The following CDIN1 variants were observed in gnomAD, a reference collection of about 807,000 sequenced individuals.
CDIN1 encodes CDAN1 interacting nuclease 1, also known as CDAN1-interacting nuclease 1.
Under a neutral mutation model 45.3 loss-of-function variants are expected in CDIN1, and 33 were observed. The ratio of observed to expected loss-of-function variants is 0.73; its 90% confidence interval spans 0.55 to 0.97. The LOEUF (loss-of-function observed/expected upper bound fraction) is 0.97. CDIN1 is among the 50% of genes least tolerant of loss of function. CDIN1 has a pLI of 0.00. For missense variants in CDIN1, 303 were observed against 339.4 expected (o/e 0.89, Z 0.84); for synonymous variants, 118 against 124.4 (o/e 0.95, Z 0.34).
At chr15:36,671,403 T>A (rs989300748) in intron 5 of CDIN1, among the ~76,000 whole-genome samples, 22 of 152,004 alleles carry the variant, frequency 1.4e-4, no homozygotes, top group African/African-American at 5.3e-4. Flanking sequence ...GACAAGTGGA[T>A]GAAAAAAGGG....
intron 5 of CDIN1, among the ~76,000 whole-genome samples, chr15:36,681,064 A>G (rs1038988370): frequency 7.2e-5 from 11 of 152,158 alleles, no homozygotes; most frequent in Admixed American, 3.9e-4. Context: ...AAAATAGAAT[A>G]CCATGAACTA....
chr15:36,689,224 C>T (rs2140688772), intron 5 of CDIN1, among the ~76,000 whole-genome samples: 1 of 152,108 alleles, frequency 6.6e-6, no homozygotes, highest in South Asian at 2.1e-4. Context: ...TTTATTTTTT[C>T]TTTTGATATT....
At chr15:36,596,975 A>G (rs570137529) in intron 1 of CDIN1, among the ~76,000 whole-genome samples, 1 of 152,298 alleles carries the variant, frequency 6.6e-6, no homozygotes, top group East Asian at 1.9e-4. Context: ...ACACGTGGCA[A>G]TATTAAATAA....
intron 10 of CDIN1, among the ~76,000 whole-genome samples, chr15:36,796,491 A>C (rs2054802918): frequency 6.6e-6 from 1 of 152,208 alleles, no homozygotes; most frequent in South Asian, 2.1e-4. Flanking sequence ...CAAAACCTCA[A>C]GAATGACAGG....
Position 36,657,944 on chromosome 15 carries a change from C to T in CDIN1, c.346+39C>T, listed in dbSNP as rs868279090. 1.7e-5 allele frequency: 25 copies of T among 1,503,014 alleles called. No homozygotes were observed. The Middle Eastern group carries it at 3.2e-3, about 195-fold the overall frequency. 93.1% of individuals were successfully genotyped at this position (1,503,014 alleles called of 1,614,324 possible). On this transcript the variant is annotated intron_variant, in intron 5 of 10. Coordinates refer to ENST00000566621, the MANE Select transcript of CDIN1 (RefSeq NM_001321759.2). ...TTTTCCTAATGGTACTCTTTTACTC[C>T]CTTCCCCAATTTAAAAATAATTTAC...
intron 1 of CDIN1, among the ~76,000 whole-genome samples, chr15:36,625,326 G>A (rs970816002): frequency 6.6e-6 from 1 of 152,054 alleles, no homozygotes; most frequent in Non-Finnish European, 1.5e-5. Context: ...CTGTGAAAAG[G>A]TTGGAAAGTA....
chr15:36,615,572 G>T (rs995004653), intron 1 of CDIN1, among the ~76,000 whole-genome samples: 3 of 152,054 alleles, frequency 2.0e-5, no homozygotes, highest in Admixed American at 6.6e-5. Context: ...ATGAAGTGTG[G>T]TCCAAAAAAT....
chr15:36,651,917 A>C (rs373356842), intron 3 of CDIN1, among the ~76,000 whole-genome samples: 1 of 152,330 alleles, frequency 6.6e-6, no homozygotes, highest in South Asian at 2.1e-4. Context: ...ACTTGATAGA[A>C]GTTCTTCACT....
At chr15:36,696,931 G>A (rs2042448577) in intron 7 of CDIN1, among the ~76,000 whole-genome samples, 1 of 138,268 alleles carries the variant, frequency 7.2e-6, no homozygotes, top group African/African-American at 2.7e-5. Context: ...GAGCAACATA[G>A]TGCGATTCCA....
intron 1 of CDIN1, among the ~76,000 whole-genome samples, chr15:36,609,800 C>A (rs762750935): frequency 3.5e-4 from 53 of 152,158 alleles, no homozygotes; most frequent in Non-Finnish European, 6.3e-4. Flanking sequence ...TCCAGTTTGT[C>A]CATGTGGATA....
Position 36,697,383 on chromosome 15 carries a change from C to T in CDIN1, c.537C>T (p.Ser179=). The T allele has an allele frequency of 6.2e-7, 1 of 1,611,168 alleles. No individual in the cohort carries two copies. The highest frequency in any genetic ancestry group is 1.7e-4 in the Middle Eastern group (1 of 6,050). The change falls in exon 8 of 11, where the codon TCC becomes TCT. Residue 179 remains serine, a synonymous_variant. Transcript: ENST00000566621. ...LRDLLLEKNL[S]FLDEDQLRAK... ...ACTTGCTTCTAGAGAAAAACCTGTC[C>T]TTCCTAGGTAAGTATTATTCACATC...
chr15:36,679,705 T>C (rs1030869964), intron 5 of CDIN1, among the ~76,000 whole-genome samples: 1 of 152,220 alleles, frequency 6.6e-6, no homozygotes, highest in African/African-American at 2.4e-5. Flanking sequence ...CTTAAACTTA[T>C]GCATCATTAT....
intron 10 of CDIN1, among the ~76,000 whole-genome samples, chr15:36,754,778 C>G (rs921259493): frequency 6.6e-6 from 1 of 151,976 alleles, no homozygotes; most frequent in African/African-American, 2.4e-5. Context: ...AACTAGAGAA[C>G]AGTATTAACA....
chr15:36,778,194 G>A (rs890349891), intron 10 of CDIN1, among the ~76,000 whole-genome samples: 39 of 152,178 alleles, frequency 2.6e-4, no homozygotes, highest in African/African-American at 7.5e-4. Flanking sequence ...TGCCTCTCAC[G>A]CACTGCTGTT....
intron 10 of CDIN1, among the ~76,000 whole-genome samples, chr15:36,778,292 C>T (rs1213686003): frequency 2.0e-5 from 3 of 152,094 alleles, no homozygotes; most frequent in Non-Finnish European, 2.9e-5. Flanking sequence ...TGGGATCAGC[C>T]TGGAAGGCAG....
At chr15:36,679,746 C>G (rs2041785581) in intron 5 of CDIN1, among the ~76,000 whole-genome samples, 1 of 152,100 alleles carries the variant, frequency 6.6e-6, no homozygotes, top group Non-Finnish European at 1.5e-5. Context: ...AACCCACCAA[C>G]CTTTTCAAGG....
intron 10 of CDIN1, among the ~76,000 whole-genome samples, chr15:36,765,095 A>G (rs1358703041): frequency 7.5e-6 from 1 of 133,960 alleles, no homozygotes; most frequent in African/African-American, 2.8e-5. Flanking sequence ...TCGCTCCGTC[A>G]TTCAGGCTAG....
intron 1 of CDIN1, chr15:36,614,096 G>A: frequency 2.4e-6 from 2 of 822,958 alleles, no homozygotes; most frequent in Non-Finnish European, 4.2e-6. Flanking sequence ...GAGATCGGTA[G>A]CCAAGCTGGA....
chr15:36,686,838 G>GA (rs1052348935), intron 5 of CDIN1, among the ~76,000 whole-genome samples: 2 of 127,082 alleles, frequency 1.6e-5, no homozygotes, highest in Non-Finnish European at 3.4e-5. Flanking sequence ...GTCAGGGAGG[G>GA]AGAGAGGGAG....
Sources: allele counts gnomAD v4.1 joint callset (sites outside exome capture counted in the v4.1 genomes callset), GRCh38; gene constraint gnomAD v4.1.1; transcripts MANE v1.5; gene names NCBI Gene and HGNC (gene_info 2026-07-23, HGNC 2026-07-21).